FAM153A: variants seen among roughly 807,000 people sequenced by gnomAD.
FAM153A encodes protein FAM153A.
Under a neutral mutation model 48.1 loss-of-function variants are expected in FAM153A, and 12 were observed. That is an observed-to-expected ratio of 0.25 (90% CI 0.16 to 0.40). The LOEUF (loss-of-function observed/expected upper bound fraction) is 0.40. Ranked by LOEUF, FAM153A falls within the 10% of genes least tolerant of loss-of-function variation. The pLI, the probability that FAM153A is intolerant of heterozygous loss-of-function variation, is 1.00. For missense variants in FAM153A, 111 were observed against 345.8 expected, an observed-to-expected ratio of 0.32 and a Z score of 5.38; for synonymous variants, 36 against 118.2, an observed-to-expected ratio of 0.30 and a Z score of 4.51.
chr5:177,696,180 T>C, the FAM153A span, among the ~76,000 whole-genome samples: 4,328 of 84,982 alleles, frequency 0.051, 502 homozygotes, highest in East Asian at 0.19. Flanking sequence ...CCTCACTTCC[T>C]AGATGGGGCG....
At chr5:177,717,000 T>TGTGTGTGTGTGG (rs1561866638) in intron 24 of FAM153A, among the ~76,000 whole-genome samples, 1 of 150,128 alleles carries the variant, frequency 6.7e-6, no homozygotes. Context: ...TGTGTGTGTG[T>TGTGTGTGTGTGG]AGAGTCTGGT....
chr5:177,707,958 A>G (rs1046591733), downstream of FAM153A: 1 of 151,892 alleles, frequency 6.6e-6, no homozygotes, highest in Non-Finnish European at 1.5e-5. Context: ...GGGAGGAGTC[A>G]CTACAACTAC....
chr5:177,755,855 C>A (rs2127704540), upstream of FAM153A, among the ~76,000 whole-genome samples: 1 of 149,654 alleles, frequency 6.7e-6, no homozygotes, highest in Admixed American at 6.6e-5. Context: ...TGGAAAGGAA[C>A]AACCGGTACC....
At chr5:177,768,834 C>T (rs1163219565) in intron 1 of FAM153A, among the ~76,000 whole-genome samples, 8 of 113,662 alleles carry the variant, frequency 7.0e-5, no homozygotes, top group East Asian at 2.5e-4. Context: ...TGTACCCTGC[C>T]GCCAACATCA....
chr5:177,706,031 C>T (rs776602399), downstream of FAM153A, among the ~76,000 whole-genome samples: 11 of 151,882 alleles, frequency 7.2e-5, no homozygotes, highest in East Asian at 1.9e-4. Flanking sequence ...AAAGACTTAA[C>T]GTTAATATGT....
the FAM153A span, among the ~76,000 whole-genome samples, chr5:177,695,856 C>T: frequency 6.8e-6 from 1 of 148,110 alleles, no homozygotes; most frequent in Non-Finnish European, 1.5e-5. Context: ...GGCAGAGGCA[C>T]TCCTCACTTC....
chr5:177,737,808 C>G (rs1302980567), intron 10 of FAM153A, among the ~76,000 whole-genome samples: 1 of 151,756 alleles, frequency 6.6e-6, no homozygotes, highest in Non-Finnish European at 1.5e-5. Flanking sequence ...GTGTGAGCCA[C>G]CACGCCTGAC....
chr5:177,760,865 C>T (rs1326043569), intron 1 of FAM153A, among the ~76,000 whole-genome samples: 4 of 124,418 alleles, frequency 3.2e-5, no homozygotes, highest in Non-Finnish European at 6.6e-5. Context: ...GTGTGTTATT[C>T]CTGATGTCTT....
At chr5:177,706,186 A>C (rs182511203), downstream of FAM153A, among the ~76,000 whole-genome samples, 1 of 118,790 alleles carries the variant, frequency 8.4e-6, no homozygotes, top group African/African-American at 2.8e-5. Flanking sequence ...TGGAAAAAAT[A>C]TGTTTTTTTT....
intron 1 of FAM153A, among the ~76,000 whole-genome samples, chr5:177,758,938 C>G (rs1320444192): frequency 6.6e-6 from 1 of 151,684 alleles, no homozygotes. Context: ...GTCTAAAACA[C>G]CAAAAGCAAT....
upstream of FAM153A, among the ~76,000 whole-genome samples, chr5:177,753,572 G>A (rs971506097): frequency 4.0e-5 from 6 of 150,880 alleles, no homozygotes; most frequent in Non-Finnish European, 7.4e-5. Context: ...TGAGAATAAA[G>A]GGAGATTCCA....
At chr5:177,719,404 G>A (rs1453392631), downstream of FAM153A, among the ~76,000 whole-genome samples, 2 of 148,470 alleles carry the variant, frequency 1.3e-5, no homozygotes, top group South Asian at 2.2e-4. Context: ...AAGTACAGAC[G>A]AGCCTATCCT....
chr5:177,702,875 A>G, the FAM153A span, among the ~76,000 whole-genome samples: 1 of 151,986 alleles, frequency 6.6e-6, no homozygotes, highest in Non-Finnish European at 1.5e-5. Context: ...CAGAGGATGT[A>G]TAGAAAAGCC....
downstream of FAM153A, chr5:177,723,205 C>G (rs1761519008): frequency 7.4e-6 from 1 of 136,024 alleles, no homozygotes. Context: ...AGCATCCCCA[C>G]CGGACCTGTC....
At chr5:177,757,096 T>C (rs1767805552), upstream of FAM153A, among the ~76,000 whole-genome samples, 2 of 74,308 alleles carry the variant, frequency 2.7e-5, no homozygotes, top group Admixed American at 1.4e-4. Context: ...CTAGCAAGAC[T>C]AACAAGAAAA....
At chr5:177,696,218 AGAT>A in the FAM153A span, among the ~76,000 whole-genome samples, 1 of 127,076 alleles carries the variant, frequency 7.9e-6, no homozygotes, top group Non-Finnish European at 1.6e-5. Context: ...CTCACTTCCC[AGAT>A]GATGGGTGGC....
At chr5:177,755,226 A>G (rs911493190), upstream of FAM153A, among the ~76,000 whole-genome samples, 1 of 151,956 alleles carries the variant, frequency 6.6e-6, no homozygotes, top group African/African-American at 2.4e-5. Context: ...ACTAGAAGAA[A>G]GGGTATCAGT....
downstream of FAM153A, chr5:177,722,922 C>T (rs1761402593): frequency 6.7e-6 from 1 of 148,228 alleles, no homozygotes; most frequent in African/African-American, 2.5e-5. Flanking sequence ...TCCCATGCCC[C>T]TGGGCCCTAA....
intron 13 of FAM153A, 114 bp downstream of exon 15, chr5:177,734,749 G>T: frequency 6.3e-7 from 1 of 1,583,074 alleles, no homozygotes; most frequent in Non-Finnish European, 8.6e-7. Context: ...TTTCCCTCAA[G>T]GACACTGTGT....
Sources: gnomAD v4.1 joint callset for allele counts (sites outside exome capture counted in the v4.1 genomes callset) on GRCh38, gnomAD v4.1.1 for gene constraint, MANE v1.5 for transcripts, NCBI Gene and HGNC (gene_info 2026-07-23, HGNC 2026-07-21) for gene names.